The following MPO variants were observed in gnomAD, a reference collection of about 807,000 sequenced individuals.
The protein encoded by MPO is myeloperoxidase.
MPO carries 57 observed loss-of-function variants against 69.4 expected under a neutral mutation model. The ratio of observed to expected loss-of-function variants is 0.82; its 90% confidence interval spans 0.66 to 1.02. The LOEUF (loss-of-function observed/expected upper bound fraction) is 1.02, where lower values mean the gene tolerates loss of function less well. Among genes scored for constraint, MPO ranks in the 50% least tolerant of loss-of-function variants. The probability of loss-of-function intolerance (pLI) is 0.00; values close to 1 mark genes in which losing one functional copy is unlikely to be tolerated. For missense variants in MPO, 971 were observed against 1,014.1 expected, an observed-to-expected ratio of 0.96 and a Z score of 0.58; for synonymous variants, 426 against 417.1, an observed-to-expected ratio of 1.02 and a Z score of -0.26.
At chr17:58,277,789 TCTC>T (rs751392034) in intron 7 of MPO, 35 bp downstream of exon 7, 4 of 1,598,220 alleles carry the variant, frequency 2.5e-6, no homozygotes, top group African/African-American at 1.3e-5. Context: ...ACAGGGAACA[TCTC>T]CTATGCCACC....
intron 7 of MPO, among the ~76,000 whole-genome samples, chr17:58,277,462 A>T (rs28396732): frequency 0.05 from 7,578 of 152,308 alleles, 243 homozygotes; most frequent in Middle Eastern, 0.12. Context: ...GTCGCTCTAG[A>T]GGGTGAGGGC....
In MPO at chr17:58,279,171, T is replaced by C; in HGVS notation, c.722A>G (p.Gln241Arg). 6.2e-7 allele frequency: 1 copy of C among 1,611,594 alleles called. No homozygotes were observed. The highest frequency in any genetic ancestry group is 1.3e-5 in the African/African-American group (1 of 75,014). ...TGAGCGCTCCTGGTCCGGAGTCAGC[T>C]GATCAGTGGGGAAGCGCACGATCTC... ...SNEIVRFPTD[Q>R]LTPDQERSLM... Residue 241 changes from glutamine to arginine, a missense_variant, in exon 6 of 12, where the codon CAG (glutamine) becomes CGG (arginine). Coordinates refer to ENST00000225275, the MANE Select transcript of MPO (RefSeq NM_000250.2).
At position 58,279,369 on chromosome 17, in the gene MPO, C is replaced by G. The variant is rs753264265; in HGVS notation, c.606G>C (p.Glu202Asp). 6.3e-7 allele frequency: 1 copy of G among 1,596,348 alleles called. No homozygotes were observed. The highest frequency in any genetic ancestry group is 8.5e-7 in the Non-Finnish European group (1 of 1,171,606). The change falls in exon 5 of 12, where the codon GAG becomes GAC. Residue 202 changes from glutamate (E) to aspartate (D), a missense_variant. By Grantham distance (45) the Glu-to-Asp change is conservative (BLOSUM62 2). Coordinates refer to ENST00000225275, the MANE Select transcript of MPO (RefSeq NM_000250.2). The part of the protein sequence containing the change: ...NRAFVRWLPA[E>D]YEDGFSLPYG... ...AGGGAAGAGAGAAGCCGTCCTCATA[C>G]TCCGCCGGCAGCCAGCGCACAAAGG...
intron 8 of MPO, among the ~76,000 whole-genome samples, chr17:58,274,585 C>T (rs929530387): frequency 2.0e-5 from 3 of 151,804 alleles, no homozygotes; most frequent in African/African-American, 4.8e-5. Flanking sequence ...TTTGGGAGGT[C>T]GAGGAGGGCG....
chr17:58,273,369 C>T (rs1970390693), intron 9 of MPO, 45 bp downstream of exon 9: 2 of 1,613,788 alleles, frequency 1.2e-6, no homozygotes, highest in Middle Eastern at 1.7e-4. Context: ...CCCTACCCCA[C>T]CTTTAGCTGT....
In MPO at chr17:58,279,692, T is replaced by TATCCC. The variant is rs570667040; in HGVS notation, c.425-51_425-47dup. ...GGGGGAGCTGAGCCGCCTCACTTCC[T>TATCCC]ATCCCAGGCAACCTGAGGCTGAGGA... On this transcript the variant is annotated intron_variant, in intron 3 of 11. Transcript: ENST00000225275. 1.7e-4 allele frequency: 271 copies of TATCCC among 1,613,910 alleles called. No individual in the cohort carries two copies. The African/African-American group carries it at 3.2e-3, about 19-fold the overall frequency.
At position 58,280,472 on chromosome 17, in the gene MPO, G is replaced by A. The variant is rs2856857; in HGVS notation, c.155-13C>T. On this transcript the variant is annotated splice_polypyrimidine_tract_variant and intron_variant, in intron 1 of 11. Coordinates refer to ENST00000225275, the MANE Select transcript of MPO (RefSeq NM_000250.2). ...TCCCCCAGGACAGCTGCCCAGAGCA[G>A]GGATCACAAAGTCAGGAATGGGCCC... 0.14 allele frequency: 226,371 copies of A among 1,613,668 alleles called. 17,658 individuals are homozygous for A. Among genetic ancestry groups the A allele is most frequent in the Non-Finnish European group, 0.16 (189,589 of 1,179,720 alleles).
chr17:58,270,670 T>C lies in MPO; in HGVS notation c.2224A>G (p.Arg742Gly), dbSNP rs1226783252. The change falls in exon 12 of 12, where the codon AGG becomes GGG. Residue 742 changes from arginine to glycine, a missense_variant. Coordinates refer to ENST00000225275, the MANE Select transcript of MPO (RefSeq NM_000250.2). This position sits in a 1 kb window ranked among gnomAD's most constrained non-coding sequence, Gnocchi z 4.1. ...TTACCTGGCCTCTAGGAGGCTTCCC[T>C]CCAGGAAGCCAGGTTCAATGCAGGA... ...TLPALNLASW[R>G]EAS 1 of 1,612,108 alleles carries C rather than the reference T, an allele frequency of 6.2e-7. No individual in the cohort carries two copies. The highest frequency in any genetic ancestry group is 8.5e-7 in the Non-Finnish European group (1 of 1,179,010).
rs1188888247 is a variant in MPO at position 58,279,987 on chromosome 17, T to TGAGCCGCTGCG, written c.265_275dup (p.Ser94AlafsTer24). 4 of 1,613,364 alleles carry TGAGCCGCTGCG rather than the reference T, an allele frequency of 2.5e-6. No homozygotes were observed. The highest frequency in any genetic ancestry group is 3.4e-6 in the Non-Finnish European group (4 of 1,180,026). On this transcript the variant is annotated frameshift_variant, in exon 3 of 12. Transcript: ENST00000225275. LOFTEE classifies it high-confidence loss of function. ...AGGATAGGAGTTCCATGGGGCTGGC[T>TGAGCCGCTGCG]GAGCCGCTGCGAAGCCGCTGCTTGA...
At position 58,279,079 on chromosome 17, in the gene MPO, G is replaced by A. The variant is rs374576463; in HGVS notation, c.814C>T (p.Arg272Trp). The change falls in exon 6 of 12, where the codon CGG (arginine) becomes TGG (tryptophan). Residue 272 changes from arginine (R) to tryptophan (W), a missense_variant. Arg to Trp is a moderately radical substitution (Grantham distance 101). Transcript: ENST00000225275. ...DLDFTPEPAA[R>W]ASFVTGVNCE... The stretch of plus-strand genomic sequence containing the variant: ...TTGACGCCAGTGACGAAGGAGGCCC[G>A]GGCGGCCGGCTCAGGGGTGAAGTCG... The A allele has an allele frequency of 9.9e-6, 16 of 1,612,888 alleles. No individual in the cohort carries two copies. Among genetic ancestry groups the A allele is most frequent in the African/African-American group, 1.3e-5 (1 of 74,940 alleles).
chr17:58,274,519 C>T (rs979792995), intron 8 of MPO, among the ~76,000 whole-genome samples: 1 of 151,898 alleles, frequency 6.6e-6, no homozygotes, highest in Non-Finnish European at 1.5e-5. Context: ...ATGACAGAGC[C>T]AAAAAGAAGA....
intron 7 of MPO, among the ~76,000 whole-genome samples, chr17:58,276,687 C>T (rs72839974): frequency 0.013 from 1,907 of 152,284 alleles, 21 homozygotes; most frequent in Middle Eastern, 0.024. Context: ...GCATCTCTTG[C>T]AGAAAGTCCG....
At chr17:58,273,727 C>T in intron 8 of MPO, 58 bp from the exon 9 acceptor site, 1 of 1,613,206 alleles carries the variant, frequency 6.2e-7, no homozygotes, top group Non-Finnish European at 8.5e-7. Context: ...CAAATGCCGC[C>T]TGGCAGCACA....
At chr17:58,276,447 A>G (rs747068036) in intron 7 of MPO, among the ~76,000 whole-genome samples, 13 of 152,106 alleles carry the variant, frequency 8.5e-5, no homozygotes, top group Non-Finnish European at 1.5e-4. Flanking sequence ...TCCTCCCAGA[A>G]CCCTTCTCTG....
chr17:58,279,345 G>A lies in MPO; in HGVS notation c.630C>T (p.Pro210=), dbSNP rs762037118. The A allele has an allele frequency of 5.1e-6, 8 of 1,583,012 alleles. No homozygotes were observed. In the East Asian group the frequency reaches 1.4e-4, roughly 27 times the overall value. Residue 210 remains proline, a synonymous_variant, in exon 5 of 12, where the codon CCC becomes CCT. Transcript: ENST00000225275. ...GCTTGACCCCGGGCGTCCAGCCGTA[G>A]GGAAGAGAGAAGCCGTCCTCATACT... ...PAEYEDGFSL[P]YGWTPGVKRN...
rs761742678 is a variant in MPO at position 58,278,070 on chromosome 17, C to G, written c.961G>C (p.Gly321Arg). The part of the protein sequence containing the change: ...PFFRSCPACP[G>R]SNITIRNQIN... ...TGGTTGCGGATGGTGATGTTGCTCCCGGGGCAAGCCGGGCAGGAGCGGAAG... is the reference window on the plus strand; with the variant it reads ...TGGTTGCGGATGGTGATGTTGCTCCGGGGGCAAGCCGGGCAGGAGCGGAAG... The change falls in exon 7 of 12, where the codon GGG becomes CGG. Residue 321 changes from glycine to arginine, a missense_variant. Coordinates refer to ENST00000225275, the MANE Select transcript of MPO (RefSeq NM_000250.2). 2 of 1,611,700 alleles carry G rather than the reference C, an allele frequency of 1.2e-6. No individual in the cohort carries two copies. The highest frequency in any genetic ancestry group is 1.7e-6 in the Non-Finnish European group (2 of 1,180,010).
Position 58,273,462 on chromosome 17 carries a change from C to A in MPO, c.1573G>T (p.Val525Phe). 1 of 1,614,168 alleles carries A rather than the reference C, an allele frequency of 6.2e-7. No individual in the cohort carries two copies. Among genetic ancestry groups the A allele is most frequent in the Non-Finnish European group, 8.5e-7 (1 of 1,180,052 alleles). The change falls in exon 9 of 12, where the codon GTC becomes TTC. Residue 525 changes from valine to phenylalanine, a missense_variant. Physicochemically the swap from Val to Phe is conservative, Grantham distance 50 (BLOSUM62 -1). Coordinates refer to ENST00000225275, the MANE Select transcript of MPO (RefSeq NM_000250.2). ...RYQPMEPNPR[V>F]PLSRVFFASW... ...GCAAAAAAGACCCTGCTGAGGGGGA[C>A]ACGGGGGTTGGGTTCCATGGGCTGG...
chr17:58,276,544 C>T (rs533087417), intron 7 of MPO, among the ~76,000 whole-genome samples: 3 of 152,338 alleles, frequency 2.0e-5, no homozygotes, highest in East Asian at 1.9e-4. Flanking sequence ...CTGAGAGCAG[C>T]ATCTCCATCC....
chr17:58,276,047 C>A (rs1567828348), intron 7 of MPO, among the ~76,000 whole-genome samples: 1 of 152,326 alleles, frequency 6.6e-6, no homozygotes, highest in Non-Finnish European at 1.5e-5. Context: ...TACCCTCCCT[C>A]CTAGCACACA....
Sources: gnomAD v4.1 joint callset for allele counts (sites outside exome capture counted in the v4.1 genomes callset) on GRCh38, gnomAD v4.1.1 for gene constraint, Gnocchi (gnomAD v3.1) non-coding constraint, MANE v1.5 for transcripts, NCBI Gene and HGNC (gene_info 2026-07-23, HGNC 2026-07-21) for gene names.